The following SLIT2 variants were observed in gnomAD, a reference collection of about 807,000 sequenced individuals.
SLIT2 encodes the protein slit homolog 2 protein.
In SLIT2, 41 loss-of-function variants were observed where a neutral mutation model predicts 185.7. That is an observed-to-expected ratio of 0.22 (90% CI 0.17 to 0.29). The LOEUF (loss-of-function observed/expected upper bound fraction) is 0.29, where lower values mean the gene tolerates loss of function less well. Among genes scored for constraint, SLIT2 ranks in the 10% least tolerant of loss-of-function variants. The pLI, the probability that SLIT2 is intolerant of heterozygous loss-of-function variation, is 1.00. For missense variants in SLIT2, 1,571 were observed against 1,909.0 expected (o/e 0.82, Z 3.30); for synonymous variants, 693 against 680.2 (o/e 1.02, Z -0.29).
intron 4 of SLIT2, chr4:20,364,433 G>A (rs1722959172): frequency 9.3e-6 from 2 of 214,030 alleles, no homozygotes; most frequent in Non-Finnish European, 1.6e-5. Flanking sequence ...AATTAAGAAT[G>A]ACAAAATCTA....
At chr4:20,538,876 A>C (rs1360891915) in intron 18 of SLIT2, among the ~76,000 whole-genome samples, 1 of 151,914 alleles carries the variant, frequency 6.6e-6, no homozygotes, top group East Asian at 1.9e-4. Context: ...TTAAGTTCTC[A>C]ATTTAAAACA....
rs115870862 is a variant in SLIT2, at chr4:20,578,143, G to C, written c.3088+9139G>C. 3.2e-3 allele frequency among the ~76,000 whole-genome samples: 493 copies of C among 152,166 alleles called. 2 individuals are homozygous for C. The highest frequency in any genetic ancestry group is 0.011 in the African/African-American group (476 of 41,510). On this transcript the variant is annotated intron_variant, in intron 29 of 36. Transcript: ENST00000504154. ...CTGGGTCTCCATTAACATTTAAAAA[G>C]CATTTGCCTGCAAGAAGCAATCAAA...
chr4:20,344,423 TTTCTCTCGGTCTCTCTCTTTCA>T (rs754732243), intron 4 of SLIT2, among the ~76,000 whole-genome samples: 38 of 152,182 alleles, frequency 2.5e-4, no homozygotes, highest in Non-Finnish European at 4.7e-4. Flanking sequence ...GATTTTGATA[TTTCTCTCGGTCTCTCTCTTTCA>T]TTCTCTCTGT....
At chr4:20,605,460 A>G (rs1223624261) in intron 33 of SLIT2, among the ~76,000 whole-genome samples, 1 of 152,284 alleles carries the variant, frequency 6.6e-6, no homozygotes, top group Non-Finnish European at 1.5e-5. Context: ...ATGCAATTCA[A>G]ATTCCCAGTG....
chr4:20,438,507 A>G lies in SLIT2; in HGVS notation c.396-29245A>G, dbSNP rs140778004. 9.4e-4 allele frequency among the ~76,000 whole-genome samples: 143 copies of G among 152,266 alleles called. 2 individuals are homozygous for G. In the East Asian group the frequency reaches 0.017, roughly 18 times the overall value. On this transcript the variant is annotated intron_variant, in intron 4 of 36. Coordinates refer to ENST00000504154, the MANE Select transcript of SLIT2 (RefSeq NM_004787.4). ...AGGAAAGACCCACTCCCATGATTCAATCATCTCCCACTGGTTCCCTCCCAT... is the reference window on the plus strand; with the variant it reads ...AGGAAAGACCCACTCCCATGATTCAGTCATCTCCCACTGGTTCCCTCCCAT...
At chr4:20,415,418 A>AAT (rs1727582485) in intron 4 of SLIT2, among the ~76,000 whole-genome samples, 1 of 151,278 alleles carries the variant, frequency 6.6e-6, no homozygotes, top group South Asian at 2.1e-4. Context: ...CTCAAAAAAA[A>AAT]AAAAAAAAAA....
Position 20,520,033 on chromosome 4 carries a change from C to CAAA in SLIT2, c.1130+603_1130+605dup, listed in dbSNP as rs34644308. ...CGGGCGACAGAGTGAGACTCCGTCT[C>CAAA]AAAAAAAAAAAAAAAAAAAAAAAAA... On this transcript the variant is annotated intron_variant, in intron 12 of 36. Coordinates refer to ENST00000504154, the MANE Select transcript of SLIT2 (RefSeq NM_004787.4). 3.7e-3 allele frequency among the ~76,000 whole-genome samples: 250 copies of CAAA among 67,988 alleles called. 1 individual carries two copies. Among genetic ancestry groups the CAAA allele is most frequent in the East Asian group, 4.1e-3 (9 of 2,200 alleles). 44.6% of individuals were successfully genotyped at this position (67,988 alleles called of 152,430 possible).
At chr4:20,334,596 G>A (rs1720341312) in intron 4 of SLIT2, among the ~76,000 whole-genome samples, 2 of 152,084 alleles carry the variant, frequency 1.3e-5, no homozygotes, top group Admixed American at 6.6e-5. Flanking sequence ...AATCATTTCT[G>A]TTTTGTCTGC....
intron 4 of SLIT2, among the ~76,000 whole-genome samples, chr4:20,350,825 TA>T (rs1721811525): frequency 6.6e-6 from 1 of 152,010 alleles, no homozygotes; most frequent in African/African-American, 2.4e-5. Context: ...ACCCCATCTC[TA>T]CAAAAAAAAT....
Position 20,387,261 on chromosome 4 carries a change from G to T in SLIT2, c.396-80491G>T, listed in dbSNP as rs115452850. Among the ~76,000 whole-genome samples the T allele has an allele frequency of 1.4e-3, 217 of 152,164 alleles. 2 individuals carry two copies. In the East Asian group the frequency reaches 0.034, roughly 24 times the overall value. ...AGGATTCTAAAAGGATGTAGTTTAC[G>T]TTAGTTATATCTATTGATATTTATT... is the stretch of plus-strand genomic sequence containing the variant. On this transcript the variant is annotated intron_variant, in intron 4 of 36. Coordinates refer to ENST00000504154, the MANE Select transcript of SLIT2 (RefSeq NM_004787.4).
intron 4 of SLIT2, among the ~76,000 whole-genome samples, chr4:20,398,520 C>T (rs918518258): frequency 6.6e-6 from 1 of 151,708 alleles, no homozygotes; most frequent in Admixed American, 6.6e-5. Context: ...AACTTTATGG[C>T]CAGAATTTTG....
intron 32 of SLIT2, 139 bp from the exon 33 acceptor site, chr4:20,598,125 AT>A (rs1246141486): frequency 1.4e-6 from 1 of 690,620 alleles, no homozygotes; most frequent in African/African-American, 1.8e-5. Flanking sequence ...TCAAGGAATA[AT>A]TTCAGCATCG....
At chr4:20,488,499 G>C (rs1006130595) in intron 7 of SLIT2, among the ~76,000 whole-genome samples, 2 of 152,050 alleles carry the variant, frequency 1.3e-5, no homozygotes, top group Admixed American at 1.3e-4. Context: ...ACCCCCATTG[G>C]CTCTCAGGAT....
intron 6 of SLIT2, among the ~76,000 whole-genome samples, chr4:20,485,817 AC>A: frequency 6.6e-6 from 1 of 152,310 alleles, no homozygotes; most frequent in Middle Eastern, 3.4e-3. Flanking sequence ...TGACTCATGG[AC>A]ACTAATTACA....
At chr4:20,507,077 A>T (rs1459512072) in intron 9 of SLIT2, among the ~76,000 whole-genome samples, 4 of 152,024 alleles carry the variant, frequency 2.6e-5, no homozygotes, top group Non-Finnish European at 5.9e-5. Context: ...GGTCCTTGGT[A>T]CATTGCAATA....
intron 4 of SLIT2, among the ~76,000 whole-genome samples, chr4:20,432,128 C>T (rs901895131): frequency 6.6e-6 from 1 of 151,960 alleles, no homozygotes; most frequent in Non-Finnish European, 1.5e-5. Context: ...TAGGTGGCTG[C>T]GATTTTGGCT....
chr4:20,481,384 A>G (rs1218676597), intron 6 of SLIT2, among the ~76,000 whole-genome samples: 1 of 152,138 alleles, frequency 6.6e-6, no homozygotes, highest in African/African-American at 2.4e-5. Context: ...GTTAGAGGCA[A>G]CTAAGTAACC....
intron 4 of SLIT2, among the ~76,000 whole-genome samples, chr4:20,411,998 G>T (rs2109431501): frequency 6.6e-6 from 1 of 152,214 alleles, no homozygotes; most frequent in Middle Eastern, 3.4e-3. Flanking sequence ...ATACAACTGA[G>T]AGTTGTGAGA....
chr4:20,512,137 A>G (rs553396244), intron 11 of SLIT2, among the ~76,000 whole-genome samples: 6 of 152,172 alleles, frequency 3.9e-5, no homozygotes, highest in Non-Finnish European at 7.3e-5. Context: ...TTTATTTTTT[A>G]AGAGCCGAAA....
Sources: gnomAD v4.1 joint callset for allele counts (sites outside exome capture counted in the v4.1 genomes callset) on GRCh38, gnomAD v4.1.1 for gene constraint, MANE v1.5 for transcripts, NCBI Gene and HGNC (gene_info 2026-07-23, HGNC 2026-07-21) for gene names.